STIM2: variants seen among roughly 807,000 people sequenced by gnomAD.
STIM2 encodes the protein stromal interaction molecule 2.
STIM2 carries 31 observed loss-of-function variants against 85.8 expected under a neutral mutation model. That is an observed-to-expected ratio of 0.36 (90% CI 0.27 to 0.49). The LOEUF (loss-of-function observed/expected upper bound fraction) is 0.49, where lower values mean the gene tolerates loss of function less well. STIM2 is among the 20% of genes least tolerant of loss of function. STIM2 has a pLI of 0.98. For missense variants in STIM2, 841 were observed against 927.6 expected, an observed-to-expected ratio of 0.91 and a Z score of 1.21; for synonymous variants, 356 against 331.1, an observed-to-expected ratio of 1.08 and a Z score of -0.82.
At chr4:26,893,840 T>TA (rs1560197922) in intron 1 of STIM2, among the ~76,000 whole-genome samples, 1 of 152,128 alleles carries the variant, frequency 6.6e-6, no homozygotes, top group Non-Finnish European at 1.5e-5. Context: ...GGAGATTGTC[T>TA]ATTTAAGTCT....
At chr4:26,895,486 C>G (rs1268627432) in intron 1 of STIM2, among the ~76,000 whole-genome samples, 1 of 152,144 alleles carries the variant, frequency 6.6e-6, no homozygotes, top group Non-Finnish European at 1.5e-5. Flanking sequence ...GAAGCATGAA[C>G]TTGCAAATAT....
At chr4:27,010,295 T>C (rs565752929) in intron 10 of STIM2, among the ~76,000 whole-genome samples, 2 of 151,890 alleles carry the variant, frequency 1.3e-5, no homozygotes, top group Non-Finnish European at 1.5e-5. Context: ...AATACAAAAA[T>C]TAGCTGGGCG....
chr4:27,003,214 C>T (rs1728219243), intron 7 of STIM2, 110 bp downstream of exon 7: 2 of 1,040,546 alleles, frequency 1.9e-6, no homozygotes, highest in South Asian at 3.7e-5. Flanking sequence ...TGTAGTTCCT[C>T]AGTTGATAAA....
intron 10 of STIM2, among the ~76,000 whole-genome samples, 199 bp downstream of exon 10, chr4:27,009,201 T>C (rs1728478474): frequency 6.6e-6 from 1 of 152,210 alleles, no homozygotes; most frequent in African/African-American, 2.4e-5. Flanking sequence ...ACTTTGTGTA[T>C]ATTTATATTA....
intron 1 of STIM2, among the ~76,000 whole-genome samples, chr4:26,866,004 TCTAA>T (rs1405364105): frequency 4.6e-5 from 7 of 151,726 alleles, no homozygotes; most frequent in African/African-American, 1.7e-4. Context: ...TTTTTTTCCT[TCTAA>T]CTTTTATTTT....
At chr4:26,863,203 G>T (rs1339951635) in intron 1 of STIM2, among the ~76,000 whole-genome samples, 1 of 151,926 alleles carries the variant, frequency 6.6e-6, no homozygotes, top group Non-Finnish European at 1.5e-5. Flanking sequence ...ATTCTTATTG[G>T]AAAAAAATCC....
Position 26,991,704 on chromosome 4 carries a change from A to G in STIM2, c.398-3675A>G, listed in dbSNP as rs1220921739. Among the ~76,000 whole-genome samples the G allele has an allele frequency of 2.0e-5, 3 of 152,108 alleles. No individual in the cohort carries two copies. The East Asian group carries it at 5.8e-4, about 29-fold the overall frequency. ...TACTCCCAACATATGTATAACATCA[A>G]TTTAAAAAAGAGAATCTGAGCTGTA... On this transcript the variant is annotated intron_variant, in intron 3 of 11. Transcript: ENST00000467087.
intron 1 of STIM2, among the ~76,000 whole-genome samples, chr4:26,912,168 AGT>A (rs1724368390): frequency 6.6e-6 from 1 of 152,232 alleles, no homozygotes; most frequent in African/African-American, 2.4e-5. Flanking sequence ...TTATTTAAAA[AGT>A]TCTCTCAGTG....
At chr4:26,906,950 G>A in intron 1 of STIM2, among the ~76,000 whole-genome samples, 1 of 141,676 alleles carries the variant, frequency 7.1e-6, no homozygotes, top group South Asian at 2.3e-4. Flanking sequence ...CTGGGCGATA[G>A]AGTGAGACTC....
chr4:26,944,969 T>G (rs1253452201), intron 2 of STIM2, among the ~76,000 whole-genome samples: 1 of 152,212 alleles, frequency 6.6e-6, no homozygotes, highest in Non-Finnish European at 1.5e-5. Context: ...GGAGTACATG[T>G]GCAGGATGTG....
chr4:27,006,192 T>C (rs1577492734), intron 7 of STIM2, among the ~76,000 whole-genome samples: 1 of 152,250 alleles, frequency 6.6e-6, no homozygotes, highest in South Asian at 2.1e-4. Flanking sequence ...ATGTGTCTTT[T>C]TGAACTGTCA....
intron 1 of STIM2, among the ~76,000 whole-genome samples, chr4:26,906,113 A>G (rs1234059231): frequency 6.6e-6 from 1 of 152,196 alleles, no homozygotes; most frequent in Non-Finnish European, 1.5e-5. Flanking sequence ...GAACAAGATG[A>G]TGTCATTTGC....
intron 2 of STIM2, among the ~76,000 whole-genome samples, chr4:26,923,209 A>G (rs1724874267): frequency 6.6e-6 from 1 of 151,720 alleles, no homozygotes. Flanking sequence ...GGACATCTAC[A>G]CCGAAAACCC....
intron 3 of STIM2, among the ~76,000 whole-genome samples, chr4:26,988,970 T>C (rs561940579): frequency 7.4e-4 from 113 of 152,216 alleles, no homozygotes; most frequent in Non-Finnish European, 1.3e-3. Flanking sequence ...AGTCTCACTC[T>C]GTCTCCCAGG....
At chr4:26,919,122 T>C (rs1724701066) in intron 1 of STIM2, among the ~76,000 whole-genome samples, 1 of 151,552 alleles carries the variant, frequency 6.6e-6, no homozygotes, top group Non-Finnish European at 1.5e-5. Flanking sequence ...TGTGATTTTT[T>C]AGTGTTTTTT....
At chr4:26,948,718 G>T (rs1009901256) in intron 2 of STIM2, among the ~76,000 whole-genome samples, 2 of 151,932 alleles carry the variant, frequency 1.3e-5, no homozygotes, top group Non-Finnish European at 2.9e-5. Context: ...GCAGCCTTCA[G>T]TATTCTGGAA....
rs980528029 is a variant in STIM2 at position 27,008,914 on chromosome 4, G to A, written c.1401G>A (p.Met467Ile). Reference sequence around the variant, plus strand: ...ATTCTGATCACAGCTGGGTGGTGATGCCCAGAGTCTCCATTCCACCCTATC... The same window carrying A: ...ATTCTGATCACAGCTGGGTGGTGATACCCAGAGTCTCCATTCCACCCTATC... The change falls in exon 10 of 12, where the codon ATG (methionine) becomes ATA (isoleucine). Residue 467 changes from methionine (M) to isoleucine (I), a missense_variant. Coordinates refer to ENST00000467087, the MANE Select transcript of STIM2 (RefSeq NM_020860.4). 4.3e-6 allele frequency: 7 copies of A among 1,614,034 alleles called. No individual in the cohort carries two copies. The highest frequency in any genetic ancestry group is 1.1e-5 in the South Asian group (1 of 91,078).
chr4:26,994,522 C>T (rs999307238), intron 3 of STIM2, among the ~76,000 whole-genome samples: 4 of 152,024 alleles, frequency 2.6e-5, no homozygotes, highest in Non-Finnish European at 4.4e-5. Flanking sequence ...CTTATTTCTC[C>T]GTATTTCATG....
intron 5 of STIM2, among the ~76,000 whole-genome samples, chr4:27,000,757 T>TA (rs1728124561): frequency 6.6e-6 from 1 of 152,286 alleles, no homozygotes; most frequent in Admixed American, 6.5e-5. Context: ...TCAGAACACT[T>TA]ATGTTAGATT....
Sources: allele counts gnomAD v4.1 joint callset (sites outside exome capture counted in the v4.1 genomes callset), GRCh38; gene constraint gnomAD v4.1.1; transcripts MANE v1.5; gene names NCBI Gene and HGNC (gene_info 2026-07-23, HGNC 2026-07-21).